The following ZBTB20 variants were observed in gnomAD, a reference collection of about 807,000 sequenced individuals.
The protein encoded by ZBTB20 is zinc finger and BTB domain containing 20.
ZBTB20 carries 9 observed loss-of-function variants against 56.9 expected under a neutral mutation model. The ratio of observed to expected loss-of-function variants is 0.16; its 90% CI spans 0.10 to 0.28. The LOEUF (loss-of-function observed/expected upper bound fraction) is 0.28, where lower values mean the gene tolerates loss of function less well. Ranked by LOEUF, ZBTB20 falls within the 10% of genes least tolerant of loss-of-function variation. The pLI is 1.00. For missense variants in ZBTB20, 655 were observed against 1,003.0 expected, an observed-to-expected ratio of 0.65 and a Z score of 4.69; for synonymous variants, 417 against 420.7, an observed-to-expected ratio of 0.99 and a Z score of 0.11.
At chr3:114,485,339 G>C (rs1259091769) in intron 7 of ZBTB20, among the ~76,000 whole-genome samples, 1 of 152,102 alleles carries the variant, frequency 6.6e-6, no homozygotes, top group East Asian at 1.9e-4. Flanking sequence ...ACTCATTTTA[G>C]GGTGGCTAGT....
intron 6 of ZBTB20, among the ~76,000 whole-genome samples, chr3:114,669,952 A>T (rs2061271230): frequency 6.6e-6 from 1 of 152,144 alleles, no homozygotes; most frequent in Non-Finnish European, 1.5e-5. Flanking sequence ...ATATGAAAGG[A>T]AGAACAAATA....
intron 4 of ZBTB20, among the ~76,000 whole-genome samples, chr3:114,832,618 C>T (rs2073913043): frequency 6.6e-6 from 1 of 152,058 alleles, no homozygotes; most frequent in African/African-American, 2.4e-5. Flanking sequence ...CCTTGTAAAT[C>T]TAAAAGCTAT....
intron 3 of ZBTB20, among the ~76,000 whole-genome samples, chr3:114,916,699 C>A (rs1162924753): frequency 6.6e-6 from 1 of 152,128 alleles, no homozygotes; most frequent in Non-Finnish European, 1.5e-5. Flanking sequence ...TCCTTCAGCA[C>A]TTTAAATATG....
At chr3:114,974,649 G>T (rs1173021039) in intron 2 of ZBTB20, among the ~76,000 whole-genome samples, 2 of 152,148 alleles carry the variant, frequency 1.3e-5, no homozygotes, top group African/African-American at 4.8e-5. Flanking sequence ...ATAGCACGGT[G>T]TTTGCTATAG....
chr3:115,065,532 T>C (rs915430072), intron 2 of ZBTB20, among the ~76,000 whole-genome samples: 4 of 152,178 alleles, frequency 2.6e-5, no homozygotes, highest in Admixed American at 6.5e-5. Context: ...TTTAGTCTTT[T>C]GCTCAAAATT....
At chr3:115,091,343 A>G (rs2083184181) in intron 1 of ZBTB20, among the ~76,000 whole-genome samples, 1 of 151,914 alleles carries the variant, frequency 6.6e-6, no homozygotes, top group Non-Finnish European at 1.5e-5. Context: ...CATTTGCCCA[A>G]TCCCTACAAA....
chr3:114,618,093 A>G (rs1015219756), intron 6 of ZBTB20, among the ~76,000 whole-genome samples: 8 of 148,374 alleles, frequency 5.4e-5, no homozygotes, highest in African/African-American at 2.0e-4. Context: ...TTTTTTTTCT[A>G]AATCTACTGC....
At chr3:115,057,476 C>T (rs531960570) in intron 2 of ZBTB20, among the ~76,000 whole-genome samples, 1 of 152,170 alleles carries the variant, frequency 6.6e-6, no homozygotes, top group South Asian at 2.1e-4. Flanking sequence ...ACTTCTATTT[C>T]CCTGCTCCAA....
chr3:114,803,083 T>A (rs1470854316), intron 4 of ZBTB20, among the ~76,000 whole-genome samples: 1 of 151,706 alleles, frequency 6.6e-6, no homozygotes, highest in African/African-American at 2.4e-5. Context: ...TTTCTTCTAT[T>A]TCTGCTTGTT....
chr3:114,557,200 A>G lies in ZBTB20; in HGVS notation c.-294-56809T>C, dbSNP rs1461143542. On this transcript the variant is annotated intron_variant, in intron 6 of 11. Transcript: ENST00000675478. Reference sequence around the variant, plus strand: ...TCTGTATTCTCTTTTCAGCTTTGATATGCTCTCATGTGGGAATAGTCATCC... The same window carrying G: ...TCTGTATTCTCTTTTCAGCTTTGATGTGCTCTCATGTGGGAATAGTCATCC... Among the ~76,000 whole-genome samples, 6 of 152,000 alleles carry G rather than the reference A, an allele frequency of 3.9e-5. No homozygotes were observed. In the East Asian group the frequency reaches 1.2e-3, roughly 29 times the overall value.
chr3:114,731,135 T>C (rs1229783747), intron 5 of ZBTB20, among the ~76,000 whole-genome samples: 3 of 152,224 alleles, frequency 2.0e-5, no homozygotes, highest in Admixed American at 1.3e-4. Flanking sequence ...ATCTTTTAGA[T>C]GACTGTCATT....
chr3:114,847,045 T>C (rs2107374641), intron 4 of ZBTB20, among the ~76,000 whole-genome samples: 1 of 152,292 alleles, frequency 6.6e-6, no homozygotes, highest in Middle Eastern at 3.4e-3. Context: ...TTAAAGTATA[T>C]TTAGTGATCT....
At chr3:114,463,783 C>A (rs1389312059) in intron 7 of ZBTB20, among the ~76,000 whole-genome samples, 2 of 152,114 alleles carry the variant, frequency 1.3e-5, no homozygotes, top group African/African-American at 4.8e-5. Context: ...CTTGAATTGC[C>A]CAAACTTTGT....
intron 5 of ZBTB20, among the ~76,000 whole-genome samples, chr3:114,772,723 G>A (rs1191396571): frequency 6.6e-6 from 1 of 151,968 alleles, no homozygotes; most frequent in Non-Finnish European, 1.5e-5. Flanking sequence ...GTATGATGGA[G>A]GTAGGTGACT....
At chr3:114,955,657 C>T (rs1041650696) in intron 3 of ZBTB20, among the ~76,000 whole-genome samples, 1 of 152,008 alleles carries the variant, frequency 6.6e-6, no homozygotes, top group African/African-American at 2.4e-5. Flanking sequence ...GATGGTAAGT[C>T]ATCATCTTCA....
At position 114,320,025 on chromosome 3, in the gene ZBTB20, T is replaced by C. The variant is rs2078837920; in HGVS notation, c.*18980A>G. 6.6e-6 allele frequency: 1 copy of C among 152,192 alleles called. No homozygotes were observed. Among genetic ancestry groups the C allele is most frequent in the African/African-American group, 2.4e-5 (1 of 41,438 alleles). The allele number at this position is 152,192 out of a possible 1,614,324, so 9.4% of individuals were successfully genotyped here. A position where few individuals can be genotyped will look rare whatever the true frequency, so the allele number is the denominator to read the frequency against. ...CCTGTTTGGGCATTAATTGCAATAA[T>C]GACAAGATCTCTGCTCTCAGAGGAA... On this transcript the variant is annotated 3_prime_UTR_variant, in exon 12 of 12. Transcript: ENST00000675478.
At chr3:114,614,923 A>G (rs990775374) in intron 6 of ZBTB20, among the ~76,000 whole-genome samples, 2 of 152,040 alleles carry the variant, frequency 1.3e-5, no homozygotes, top group African/African-American at 4.8e-5. Flanking sequence ...ACATCCAGCT[A>G]ATTTTTGTAT....
At chr3:114,990,714 G>A (rs867924891) in intron 2 of ZBTB20, among the ~76,000 whole-genome samples, 5 of 152,170 alleles carry the variant, frequency 3.3e-5, no homozygotes, top group South Asian at 2.1e-4. Context: ...GGTAGAATTC[G>A]GCTGTGGATC....
intron 2 of ZBTB20, among the ~76,000 whole-genome samples, chr3:114,982,321 A>C (rs1038128299): frequency 1.3e-5 from 2 of 152,056 alleles, no homozygotes; most frequent in African/African-American, 4.8e-5. Flanking sequence ...ATTTCTATGA[A>C]ATAACATGTC....
Sources: gnomAD v4.1 joint callset for allele counts (sites outside exome capture counted in the v4.1 genomes callset) on GRCh38, gnomAD v4.1.1 for gene constraint, MANE v1.5 for transcripts, NCBI Gene and HGNC (gene_info 2026-07-23, HGNC 2026-07-21) for gene names.